Variants in ZNF638 observed in about 807,000 individuals in gnomAD.
ZNF638 encodes the protein zinc finger protein 638.
A neutral mutation model predicts 195.6 loss-of-function variants in ZNF638; 46 were observed. The ratio of observed to expected loss-of-function variants is 0.24; its 90% confidence interval spans 0.19 to 0.30. The LOEUF (loss-of-function observed/expected upper bound fraction) is 0.30. Ranked by LOEUF, ZNF638 falls within the 10% of genes least tolerant of loss-of-function variation. ZNF638 has a pLI of 1.00. For synonymous variants in ZNF638, 845 were observed against 772.0 expected (o/e 1.09, Z -1.57); for missense variants, 2,440 against 2,325.3 (o/e 1.05, Z -1.01).
At chr2:71,354,805 A>AG (rs1295266347) in intron 2 of ZNF638, among the ~76,000 whole-genome samples, 4 of 152,076 alleles carry the variant, frequency 2.6e-5, no homozygotes, top group Non-Finnish European at 5.9e-5. Context: ...TCTATATGTA[A>AG]GGGATATTGT....
chr2:71,409,220 G>A (rs1006404438), intron 20 of ZNF638, among the ~76,000 whole-genome samples: 2 of 152,082 alleles, frequency 1.3e-5, no homozygotes, highest in South Asian at 2.1e-4. Flanking sequence ...AACCTTATTC[G>A]TATAGTTTAA....
chr2:71,387,136 T>C (rs2079657573), intron 10 of ZNF638, among the ~76,000 whole-genome samples: 1 of 152,138 alleles, frequency 6.6e-6, no homozygotes, highest in African/African-American at 2.4e-5. Context: ...GGCAGGACAG[T>C]TCTTTAAAGA....
chr2:71,363,940 C>A lies in ZNF638; in HGVS notation c.1419-14C>A. The A allele has an allele frequency of 1.3e-6, 2 of 1,592,734 alleles. No homozygotes were observed. Among genetic ancestry groups the A allele is most frequent in the Non-Finnish European group, 1.7e-6 (2 of 1,170,140 alleles). ...AATTGCTGATCACTTTCTTTTCCGCCCCCCTGCTTGTAGAAATGAGGGCAA... is the reference window on the plus strand; with the variant it reads ...AATTGCTGATCACTTTCTTTTCCGCACCCCTGCTTGTAGAAATGAGGGCAA... On this transcript the variant is annotated splice_polypyrimidine_tract_variant and intron_variant, in intron 4 of 27. Transcript: ENST00000264447.
intron 23 of ZNF638, 139 bp downstream of exon 23, chr2:71,424,854 T>C: frequency 1.5e-6 from 1 of 646,312 alleles, no homozygotes. Context: ...TGTTTTGTTT[T>C]TAACTTATCT....
chr2:71,356,969 GAC>G (rs1237492257), intron 3 of ZNF638, among the ~76,000 whole-genome samples: 2 of 152,158 alleles, frequency 1.3e-5, no homozygotes, highest in African/African-American at 4.8e-5. Flanking sequence ...TGAAATCTTG[GAC>G]ACACTTCTTT....
chr2:71,420,658 T>G (rs1269592527), intron 21 of ZNF638, among the ~76,000 whole-genome samples: 1 of 152,250 alleles, frequency 6.6e-6, no homozygotes. Context: ...CTCAAATGCC[T>G]TTCTGGAATC....
chr2:71,332,020 G>A (rs1573003563), intron 1 of ZNF638, 145 bp downstream of exon 1: 1 of 753,346 alleles, frequency 1.3e-6, no homozygotes, highest in Non-Finnish European at 1.6e-6. Flanking sequence ...GGCAGACGGC[G>A]GGGGCGGGAG....
chr2:71,336,310 C>G lies in ZNF638; in HGVS notation c.-203+4435C>G, dbSNP rs914476005. Among the ~76,000 whole-genome samples, 20 of 136,702 alleles carry G rather than the reference C, an allele frequency of 1.5e-4. No individual in the cohort carries two copies. The Admixed American group carries it at 1.6e-3, about 11-fold the overall frequency. The allele number at this position is 136,702 out of a possible 152,430, so 89.7% of individuals were successfully genotyped here. On this transcript the variant is annotated intron_variant, in intron 1 of 27. Transcript: ENST00000264447. ...GCTTGAAGCCGGGAGGCGGAGGTTG[C>G]GGTGAGCCGAGATTTGCGCCCTTGC...
At chr2:71,427,488 T>A in intron 24 of ZNF638, 74 bp downstream of exon 24, 1 of 1,139,828 alleles carries the variant, frequency 8.8e-7, no homozygotes, top group Non-Finnish European at 1.2e-6. Flanking sequence ...AAATACATGT[T>A]GTGGCATTAC....
intron 16 of ZNF638, among the ~76,000 whole-genome samples, chr2:71,402,988 G>T (rs919041392): frequency 2.0e-5 from 3 of 152,060 alleles, no homozygotes; most frequent in Non-Finnish European, 4.4e-5. Context: ...TTGAATGATC[G>T]CAGAGCTCAG....
intron 10 of ZNF638, among the ~76,000 whole-genome samples, chr2:71,385,257 A>G (rs1344169150): frequency 5.3e-5 from 8 of 152,208 alleles, no homozygotes; most frequent in Admixed American, 5.2e-4. Context: ...ACACATGCTT[A>G]CCATATGACA....
At chr2:71,377,906 A>G (rs2104340756) in intron 8 of ZNF638, among the ~76,000 whole-genome samples, 1 of 152,356 alleles carries the variant, frequency 6.6e-6, no homozygotes, top group East Asian at 1.9e-4. Context: ...CACATTCTTA[A>G]GAGTTGGGTG....
intron 1 of ZNF638, among the ~76,000 whole-genome samples, chr2:71,339,544 C>A (rs1165811648): frequency 2.0e-5 from 3 of 152,108 alleles, no homozygotes; most frequent in Non-Finnish European, 4.4e-5. Flanking sequence ...AAGCAAATAA[C>A]CAAATGGCAG....
At chr2:71,348,018 A>G (rs2078880107) in intron 1 of ZNF638, among the ~76,000 whole-genome samples, 1 of 152,250 alleles carries the variant, frequency 6.6e-6, no homozygotes, top group South Asian at 2.1e-4. Context: ...TGACACGTGG[A>G]CAGTGCTCTA....
intron 1 of ZNF638, chr2:71,334,475 CT>C (rs2078629044): frequency 6.6e-6 from 1 of 152,044 alleles, no homozygotes; most frequent in African/African-American, 2.4e-5. Context: ...AGCTTATCTA[CT>C]CTTAATTGCT....
chr2:71,365,856 A>T, intron 6 of ZNF638, 150 bp downstream of exon 6: 1 of 783,224 alleles, frequency 1.3e-6, no homozygotes, highest in Non-Finnish European at 2.0e-6. Flanking sequence ...AGTAGCTGGC[A>T]CCACAGGCGT....
rs752422510 is a variant in ZNF638, at chr2:71,403,969, G to T, written c.2929G>T (p.Ala977Ser). ...MDGNQLSISM[A>S]PENMNIKDEE... ...TGGAAATCAACTCTCAATAAGTATG[G>T]CTCCTGAAAACATGAATATAAAAGA... Residue 977 changes from alanine to serine, a missense_variant, in exon 17 of 28, where the codon GCT becomes TCT. By Grantham distance (99) the Ala-to-Ser change is moderately conservative. Around this residue, in one of 5 missense-constraint regions of ZNF638, gnomAD observed 1,883 missense variants for 1,739.1 expected, o/e 1.08. Coordinates refer to ENST00000264447, the MANE Select transcript of ZNF638 (RefSeq NM_014497.5). 16 of 1,611,372 alleles carry T rather than the reference G, an allele frequency of 9.9e-6. No homozygotes were observed. The East Asian group carries it at 3.6e-4, about 36-fold the overall frequency.
rs759584724 is a variant in ZNF638, at chr2:71,364,142, G to C, written c.1607G>C (p.Arg536Thr). 2.1e-5 allele frequency: 34 copies of C among 1,614,056 alleles called. No individual in the cohort carries two copies. The highest frequency in any genetic ancestry group is 8.5e-7 in the Non-Finnish European group (1 of 1,180,048). ...CHRFISRYRS[R>T]SRSRSPYRIR... ...CGTTTCATTTCTAGATACAGATCCA[G>C]ATCCAGATCCCGTTCACCATATCGA... Residue 536 changes from arginine to threonine, a missense_variant, in exon 5 of 28, where the codon AGA becomes ACA. Arg to Thr is a moderately conservative substitution (Grantham distance 71, BLOSUM62 -1). Transcript: ENST00000264447.
chr2:71,334,213 C>CT (rs1427439879), intron 1 of ZNF638, among the ~76,000 whole-genome samples: 1 of 152,174 alleles, frequency 6.6e-6, no homozygotes, highest in Non-Finnish European at 1.5e-5. Context: ...AGCCTGGACT[C>CT]TAAATCATGC....
Sources: allele counts gnomAD v4.1 joint callset (sites outside exome capture counted in the v4.1 genomes callset), GRCh38; gene constraint gnomAD v4.1.1; regional missense constraint gnomAD v4.1.1; transcripts MANE v1.5; gene names NCBI Gene and HGNC (gene_info 2026-07-23, HGNC 2026-07-21).